The following ERGIC1 variants were observed in gnomAD, a reference collection of about 807,000 sequenced individuals.
The protein encoded by ERGIC1 is endoplasmic reticulum-Golgi intermediate compartment protein 1.
ERGIC1 carries 19 observed loss-of-function variants against 38.3 expected under a neutral mutation model. That is an observed-to-expected ratio of 0.50 (90% CI 0.35 to 0.73). The LOEUF (loss-of-function observed/expected upper bound fraction) is 0.73. Among genes scored for constraint, ERGIC1 ranks in the 30% least tolerant of loss-of-function variants. ERGIC1 has a pLI of 0.01. For synonymous variants in ERGIC1, 124 were observed against 157.6 expected, an observed-to-expected ratio of 0.79 and a Z score of 1.60; for missense variants, 294 against 389.2, an observed-to-expected ratio of 0.76 and a Z score of 2.06.
intron 1 of ERGIC1, among the ~76,000 whole-genome samples, chr5:172,865,347 C>T: frequency 6.6e-6 from 1 of 152,192 alleles, no homozygotes. Flanking sequence ...TGAGCCACCG[C>T]ACCTGGCCTA....
At chr5:172,866,881 CTTTG>C in intron 1 of ERGIC1, 1 of 312,236 alleles carries the variant, frequency 3.2e-6, no homozygotes, top group Non-Finnish European at 6.3e-6. Context: ...CAGAGACTGC[CTTTG>C]TTTGGCTCCC....
chr5:172,845,677 A>G (rs1761268893), intron 1 of ERGIC1, among the ~76,000 whole-genome samples: 1 of 152,192 alleles, frequency 6.6e-6, no homozygotes, highest in East Asian at 1.9e-4. Context: ...ATTTTGGAAT[A>G]GCTGAGATTT....
At chr5:172,867,159 T>G in intron 1 of ERGIC1, 1 of 454,394 alleles carries the variant, frequency 2.2e-6, no homozygotes, top group Non-Finnish European at 4.4e-6. Context: ...CTCCAGTGCT[T>G]GCCAGCAATG....
rs36069457 is a variant in ERGIC1, at chr5:172,867,034, A to AGAT, written c.21-21660_21-21658dup. 2.9e-4 allele frequency: 112 copies of AGAT among 387,280 alleles called. No homozygotes were observed. The East Asian group carries it at 6.9e-3, about 24-fold the overall frequency. The allele number at this position is 387,280 out of a possible 1,614,324, so 24.0% of individuals were successfully genotyped here. ...CAGATGGAGATGATGATGCAGATGG[A>AGAT]GATGATGCAGATGGAGATGATGCAG... On this transcript the variant is annotated intron_variant, in intron 1 of 9. Transcript: ENST00000393784.
At chr5:172,874,897 CCTGGGCAAG>C (rs1762105927) in intron 1 of ERGIC1, among the ~76,000 whole-genome samples, 2 of 148,778 alleles carry the variant, frequency 1.3e-5, no homozygotes, top group Non-Finnish European at 3.0e-5. Context: ...TGCACTCCAG[CCTGGGCAAG>C]AGTGAGACCC....
chr5:172,903,966 CAT>C (rs1762954548), intron 3 of ERGIC1, among the ~76,000 whole-genome samples: 3 of 107,310 alleles, frequency 2.8e-5, no homozygotes, highest in African/African-American at 1.3e-4. Flanking sequence ...GAGTCTCACA[CAT>C]ACACACACAC....
chr5:172,929,516 A>G (rs1763729230), intron 7 of ERGIC1, among the ~76,000 whole-genome samples: 1 of 152,204 alleles, frequency 6.6e-6, no homozygotes, highest in African/African-American at 2.4e-5. Flanking sequence ...GCATTTGGCA[A>G]ATTGTATCAA....
At chr5:172,890,142 G>A (rs563517489) in intron 2 of ERGIC1, among the ~76,000 whole-genome samples, 2 of 152,326 alleles carry the variant, frequency 1.3e-5, no homozygotes, top group South Asian at 4.1e-4. Flanking sequence ...CGTGCATATC[G>A]TGAGCCCCTG....
At chr5:172,844,657 T>C (rs754028887) in intron 1 of ERGIC1, among the ~76,000 whole-genome samples, 1 of 152,130 alleles carries the variant, frequency 6.6e-6, no homozygotes, top group African/African-American at 2.4e-5. Context: ...CCCCATCCCA[T>C]GCTAAGCCCC....
rs1234818509 is a variant in ERGIC1, at chr5:172,873,029, T to A, written c.21-15670T>A. Among the ~76,000 whole-genome samples the A allele has an allele frequency of 2.6e-5, 4 of 152,188 alleles. 1 individual carries two copies. The South Asian group carries it at 8.3e-4, about 32-fold the overall frequency. ...CAACAGTTTATTCTTTTTAAATCTC[T>A]GTGAAAGGCCGTGCCTGGCGGGGAG... On this transcript the variant is annotated intron_variant, in intron 1 of 9. Coordinates refer to ENST00000393784, the MANE Select transcript of ERGIC1 (RefSeq NM_001031711.3).
intron 5 of ERGIC1, 33 bp from the exon 6 acceptor site, chr5:172,923,972 A>G (rs1239338489): frequency 1.9e-6 from 3 of 1,607,562 alleles, no homozygotes; most frequent in Admixed American, 1.7e-5. Context: ...GGAGAAGTCA[A>G]CCAAACTCCT....
At position 172,834,360 on chromosome 5, in the gene ERGIC1, C is replaced by T. The variant is rs1581497283; in HGVS notation, c.-54C>T. 4 of 1,257,182 alleles carry T rather than the reference C, an allele frequency of 3.2e-6. No homozygotes were observed. The highest frequency in any genetic ancestry group is 1.6e-5 in the African/African-American group (1 of 64,090). The allele number at this position is 1,257,182 out of a possible 1,614,324, so 77.9% of individuals were successfully genotyped here. Reference sequence around the variant, plus strand: ...GGCGTTGGCAGCGGGCTCGGACCCACGCGGCGCCGCGGCCCGCCTGGCCTG... The same window carrying T: ...GGCGTTGGCAGCGGGCTCGGACCCATGCGGCGCCGCGGCCCGCCTGGCCTG... On this transcript the variant is annotated 5_prime_UTR_variant, in exon 1 of 10. The change creates a new upstream start codon in the 5' untranslated region. Transcript: ENST00000393784. This position sits in a 1 kb window ranked among gnomAD's most constrained non-coding sequence, Gnocchi z 4.1.
intron 8 of ERGIC1, chr5:172,932,967 T>A (rs1763810922): frequency 6.0e-6 from 1 of 167,710 alleles, no homozygotes; most frequent in Non-Finnish European, 1.3e-5. Flanking sequence ...TGGCTGTTGA[T>A]TAATTTGCTG....
chr5:172,875,741 G>GC (rs763528767), intron 1 of ERGIC1, among the ~76,000 whole-genome samples: 4 of 152,110 alleles, frequency 2.6e-5, no homozygotes, highest in Non-Finnish European at 5.9e-5. Context: ...ACAGTCATGA[G>GC]CTACCACACC....
chr5:172,920,533 A>G, intron 5 of ERGIC1: 2 of 696,818 alleles, frequency 2.9e-6, no homozygotes, highest in South Asian at 1.5e-5. Flanking sequence ...AAAATCCATC[A>G]GAGACACTGA....
intron 1 of ERGIC1, among the ~76,000 whole-genome samples, chr5:172,836,918 C>T (rs964328101): frequency 6.6e-6 from 1 of 152,136 alleles, no homozygotes; most frequent in African/African-American, 2.4e-5. Flanking sequence ...GAGTAGAAGC[C>T]CTTTGCTCTG....
chr5:172,925,567 C>T (rs1197750321), intron 6 of ERGIC1, among the ~76,000 whole-genome samples: 1 of 152,152 alleles, frequency 6.6e-6, no homozygotes. Flanking sequence ...CCTGGAGTGG[C>T]CACAGAATCA....
At chr5:172,847,127 G>A (rs1207190052) in intron 1 of ERGIC1, among the ~76,000 whole-genome samples, 1 of 152,160 alleles carries the variant, frequency 6.6e-6, no homozygotes, top group Non-Finnish European at 1.5e-5. Context: ...CTCCCCCTGG[G>A]TACTCAGAGG....
Position 172,917,370 on chromosome 5 carries a change from T to C in ERGIC1, c.375+2532T>C, listed in dbSNP as rs145260000. The C allele has an allele frequency of 2.2e-3, 341 of 152,098 alleles. 1 individual carries two copies. Among genetic ancestry groups the C allele is most frequent in the Non-Finnish European group, 3.7e-3 (254 of 68,062 alleles). 9.4% of individuals were successfully genotyped at this position (152,098 alleles called of 1,614,324 possible). ...CCACAGATGTTGAGGTGGGAGTCATTAGTGAATAGATGATGTTGGAAGTCA... is the reference window on the plus strand; with the variant it reads ...CCACAGATGTTGAGGTGGGAGTCATCAGTGAATAGATGATGTTGGAAGTCA... On this transcript the variant is annotated intron_variant, in intron 5 of 9. Transcript: ENST00000393784.
Sources: gnomAD v4.1 joint callset for allele counts (sites outside exome capture counted in the v4.1 genomes callset) on GRCh38, gnomAD v4.1.1 for gene constraint, Gnocchi (gnomAD v3.1) non-coding constraint, MANE v1.5 for transcripts, NCBI Gene and HGNC (gene_info 2026-07-23, HGNC 2026-07-21) for gene names.